The following DNAAF9 variants were observed in gnomAD, a reference collection of about 807,000 sequenced individuals.
The protein encoded by DNAAF9 is dynein axonemal assembly factor 9.
DNAAF9 carries 90 observed loss-of-function variants against 167.0 expected under a neutral mutation model. The observed-to-expected ratio is 0.54, with a 90% CI of 0.45 to 0.64. The LOEUF is 0.64. Among genes scored for constraint, DNAAF9 ranks in the 30% least tolerant of loss-of-function variants. DNAAF9 has a pLI of 0.00. For missense variants in DNAAF9, 1,315 were observed against 1,442.2 expected, an observed-to-expected ratio of 0.91 and a Z score of 1.43; for synonymous variants, 491 against 508.8, an observed-to-expected ratio of 0.96 and a Z score of 0.47.
chr20:3,373,818 A>G (rs1361244402), intron 6 of DNAAF9, among the ~76,000 whole-genome samples: 3 of 152,186 alleles, frequency 2.0e-5, no homozygotes, highest in Non-Finnish European at 4.4e-5. Flanking sequence ...AGAATGGGGT[A>G]AGGGAGAGGA....
rs748520913 is a variant in DNAAF9 at position 3,316,730 on chromosome 20, G to C, written c.1532C>G (p.Ser511Cys). The change falls in exon 18 of 37, where the codon TCC becomes TGC. Residue 511 changes from serine to cysteine, a missense_variant. Ser to Cys is a moderately radical substitution (Grantham distance 112, BLOSUM62 -1). Coordinates refer to ENST00000252032, the MANE Select transcript of DNAAF9 (RefSeq NM_001009984.3). ...VLTAAVPRFC[S>C]WLVEDNEVKL... ...CTGATGAATGACACTAACCAGCCAGGAGCAGAATCTGGGTACAGCAGCAGT... is the reference window on the plus strand; with the variant it reads ...CTGATGAATGACACTAACCAGCCAGCAGCAGAATCTGGGTACAGCAGCAGT... 1.2e-6 allele frequency: 2 copies of C among 1,612,578 alleles called. No individual in the cohort carries two copies. Among genetic ancestry groups the C allele is most frequent in the African/African-American group, 1.3e-5 (1 of 74,838 alleles).
intron 10 of DNAAF9, among the ~76,000 whole-genome samples, chr20:3,333,923 G>A (rs189732678): frequency 8.5e-5 from 13 of 152,270 alleles, no homozygotes; most frequent in Admixed American, 8.5e-4. Flanking sequence ...GTCTTAAGTA[G>A]TTAAAATAAG....
At chr20:3,367,232 G>C (rs539618287) in intron 6 of DNAAF9, among the ~76,000 whole-genome samples, 3 of 152,352 alleles carry the variant, frequency 2.0e-5, no homozygotes, top group Admixed American at 6.5e-5. Flanking sequence ...ACATTAAAGA[G>C]AGTTAGGGCT....
chr20:3,323,774 CAAGTA>C (rs1441455695), intron 14 of DNAAF9, among the ~76,000 whole-genome samples: 1 of 152,048 alleles, frequency 6.6e-6, no homozygotes, highest in African/African-American at 2.4e-5. Context: ...GGCAAGGGCC[CAAGTA>C]AAGGAGAAGT....
intron 6 of DNAAF9, chr20:3,361,937 C>T: frequency 6.6e-7 from 1 of 1,523,088 alleles, no homozygotes; most frequent in Non-Finnish European, 9.1e-7. Flanking sequence ...TTTCTTTAGA[C>T]ATCATTAGGC....
intron 22 of DNAAF9, 103 bp downstream of exon 22, chr20:3,297,926 C>A: frequency 1.1e-6 from 1 of 895,152 alleles, no homozygotes; most frequent in East Asian, 2.4e-5. Flanking sequence ...CTAACTCTCC[C>A]TCTCATCACT....
intron 35 of DNAAF9, among the ~76,000 whole-genome samples, chr20:3,254,048 G>A (rs543942699): frequency 5.9e-5 from 9 of 152,262 alleles, no homozygotes; most frequent in East Asian, 1.9e-4. Flanking sequence ...ACGGTGTGCA[G>A]TGGTACTGAT....
At chr20:3,385,368 T>TA (rs1395159073) in intron 1 of DNAAF9, among the ~76,000 whole-genome samples, 1 of 152,174 alleles carries the variant, frequency 6.6e-6, no homozygotes, top group Non-Finnish European at 1.5e-5. Context: ...CTAGAACTAA[T>TA]AAGTGAGTTC....
chr20:3,297,661 G>A (rs758796070), intron 22 of DNAAF9, among the ~76,000 whole-genome samples: 6 of 152,198 alleles, frequency 3.9e-5, no homozygotes, highest in Non-Finnish European at 8.8e-5. Flanking sequence ...ATTCGCAAGG[G>A]CAGGGACTGG....
intron 31 of DNAAF9, among the ~76,000 whole-genome samples, chr20:3,262,663 AAC>A (rs751386966): frequency 6.6e-6 from 1 of 152,102 alleles, no homozygotes; most frequent in Non-Finnish European, 1.5e-5. Context: ...AGGACTGGAG[AAC>A]AGCACTTCTC....
chr20:3,296,721 C>T, intron 23 of DNAAF9, 140 bp downstream of exon 23: 2 of 655,070 alleles, frequency 3.1e-6, no homozygotes, highest in Non-Finnish European at 5.5e-6. Flanking sequence ...CGGCTACCTG[C>T]AAGTTGGCAG....
At chr20:3,271,431 G>A (rs78553205) in intron 29 of DNAAF9, among the ~76,000 whole-genome samples, 2,568 of 151,978 alleles carry the variant, frequency 0.017, 76 homozygotes, top group African/African-American at 0.059. Flanking sequence ...CCAACCTTTT[G>A]GTGAAAATAC....
chr20:3,379,985 G>A (rs6037583), intron 3 of DNAAF9, among the ~76,000 whole-genome samples: 30,879 of 152,234 alleles, frequency 0.2, 3,409 homozygotes, highest in African/African-American at 0.27. Flanking sequence ...GAACCCAGGA[G>A]GTGGAGGATG....
chr20:3,338,007 C>T (rs147433270), intron 10 of DNAAF9, among the ~76,000 whole-genome samples: 120 of 145,362 alleles, frequency 8.3e-4, no homozygotes, highest in African/African-American at 2.9e-3. Flanking sequence ...ATATATAATA[C>T]ATATTATATA....
chr20:3,270,398 T>C (rs1459029020), intron 30 of DNAAF9, 29 bp downstream of exon 30: 1 of 1,603,972 alleles, frequency 6.2e-7, no homozygotes, highest in Middle Eastern at 1.7e-4. Flanking sequence ...AGAAAGCAAC[T>C]GGTCTTGCAG....
intron 21 of DNAAF9, among the ~76,000 whole-genome samples, chr20:3,299,910 TTTC>T (rs959447994): frequency 1.2e-4 from 18 of 152,202 alleles, no homozygotes; most frequent in African/African-American, 4.3e-4. Context: ...GGTTTTCCTA[TTTC>T]TTTTTTGAGA....
chr20:3,382,444 C>T lies in DNAAF9; in HGVS notation c.146G>A (p.Gly49Glu), dbSNP rs1378410274. 6.2e-7 allele frequency: 1 copy of T among 1,613,658 alleles called. No homozygotes were observed. ...LTQSSKSRPD[G>E]ILCILGIDSR... ...GCACTGACCTAGGATGCAGAGGATC[C>T]CATCCGGCCGAGACTTGCTGCTCTG... The change falls in exon 2 of 37, where the codon GGG (glycine) becomes GAG (glutamate). Residue 49 changes from glycine to glutamate, a missense_variant. Transcript: ENST00000252032.
intron 27 of DNAAF9, among the ~76,000 whole-genome samples, chr20:3,283,422 G>A (rs769786270): frequency 1.6e-4 from 25 of 152,360 alleles, no homozygotes; most frequent in African/African-American, 4.8e-4. Flanking sequence ...AGTAGAGAAC[G>A]GGGTTTACTA....
At chr20:3,346,264 C>T (rs1249287108) in intron 8 of DNAAF9, among the ~76,000 whole-genome samples, 3 of 152,154 alleles carry the variant, frequency 2.0e-5, no homozygotes, top group African/African-American at 4.8e-5. Context: ...TAACTAACAA[C>T]ATGACATATG....
Sources: allele counts gnomAD v4.1 joint callset (sites outside exome capture counted in the v4.1 genomes callset), GRCh38; gene constraint gnomAD v4.1.1; transcripts MANE v1.5; gene names NCBI Gene and HGNC (gene_info 2026-07-23, HGNC 2026-07-21).